The following XAB2 variants were observed in gnomAD, a reference collection of about 807,000 sequenced individuals.
XAB2 encodes the protein XPA binding protein 2, also known as pre-mRNA-splicing factor SYF1.
In XAB2, 57 loss-of-function variants were observed where a neutral mutation model predicts 113.4. The observed-to-expected ratio is 0.50, with a 90% CI of 0.41 to 0.63. XAB2 has a LOEUF of 0.63. Among genes scored for constraint, XAB2 ranks in the 20% least tolerant of loss-of-function variants. The pLI, the probability that XAB2 is intolerant of heterozygous loss-of-function variation, is 0.00. For missense variants in XAB2, 1,037 were observed against 1,233.3 expected (o/e 0.84, Z 2.38); for synonymous variants, 497 against 498.8 (o/e 1.00, Z 0.05).
chr19:7,621,109 C>CCCCCCA, intron 13 of XAB2, 26 bp downstream of exon 13: 1 of 1,540,384 alleles, frequency 6.5e-7, no homozygotes, highest in Non-Finnish European at 8.8e-7. Context: ...GCCCGCCACC[C>CCCCCCA]CCCCCATGCC....
chr19:7,622,985 TACAGGCACAAACAC>T lies in XAB2; in HGVS notation c.1240-106_1240-93del, dbSNP rs1240201702. On this transcript the variant is annotated intron_variant, in intron 9 of 18. Transcript: ENST00000358368. ...AGAAAGGTGACCATGCTCACAAACA[TACAGGCACAAACAC>T]ACAGGCACACACACAGGCACACACA... The T allele has an allele frequency of 9.4e-5, 146 of 1,561,078 alleles. No individual in the cohort carries two copies. The African/African-American group carries it at 1.4e-3, about 14-fold the overall frequency.
rs189300235 is a variant in XAB2, at chr19:7,628,463, C to T, written c.52-165G>A. On this transcript the variant is annotated intron_variant, in intron 1 of 18. Coordinates refer to ENST00000358368, the MANE Select transcript of XAB2 (RefSeq NM_020196.3). This position sits in a 1 kb window ranked among gnomAD's most constrained non-coding sequence, Gnocchi z 4.6. ...ATGCCCAGGCACCAAACCAGATGCCCGACACCAAGACAGTGGCCCAGACCT... is the reference window on the plus strand; with the variant it reads ...ATGCCCAGGCACCAAACCAGATGCCTGACACCAAGACAGTGGCCCAGACCT... Among the ~76,000 whole-genome samples the T allele has an allele frequency of 2.0e-5, 3 of 152,230 alleles. No homozygotes were observed. Among genetic ancestry groups the T allele is most frequent in the Non-Finnish European group, 4.4e-5 (3 of 68,014 alleles).
intron 12 of XAB2, chr19:7,622,042 A>G (rs1441603638): frequency 2.5e-5 from 9 of 352,986 alleles, no homozygotes; most frequent in Non-Finnish European, 3.7e-5. Context: ...CCTTTATAAG[A>G]AGAGGAAATT....
chr19:7,627,715 C>T lies in XAB2; in HGVS notation c.324+13G>A. ...CTCCACTTCCCGATTCATCCCCTCGCCGAGCCCCAAACCTTGTGCATGAAC... is the reference window on the plus strand; with the variant it reads ...CTCCACTTCCCGATTCATCCCCTCGTCGAGCCCCAAACCTTGTGCATGAAC... On this transcript the variant is annotated intron_variant, in intron 3 of 18. Transcript: ENST00000358368. This position sits in a 1 kb window ranked among gnomAD's most constrained non-coding sequence, Gnocchi z 4.5. 2 of 1,613,502 alleles carry T rather than the reference C, an allele frequency of 1.2e-6. No individual in the cohort carries two copies. Among genetic ancestry groups the T allele is most frequent in the South Asian group, 1.1e-5 (1 of 91,058 alleles).
chr19:7,626,563 G>A (rs561407258), intron 4 of XAB2, among the ~76,000 whole-genome samples: 14 of 152,062 alleles, frequency 9.2e-5, no homozygotes, highest in East Asian at 3.9e-4. Flanking sequence ...ACCCGCAAGG[G>A]CACAGCCTTG....
At position 7,620,964 on chromosome 19, in the gene XAB2, C is replaced by T. The variant is rs372229800; in HGVS notation, c.1853G>A (p.Arg618His). Residue 618 changes from arginine (R) to histidine (H), a missense_variant, in exon 14 of 19, where the codon CGT becomes CAT. By Grantham distance (29) the Arg-to-His change is conservative. Transcript: ENST00000358368. ...LARHAMAVYERATRAVEPAQQ... is the reference protein window; with the variant it reads ...LARHAMAVYEHATRAVEPAQQ... ...GGCGGGCTCCACGGCCCTGGTGGCACGCTCGTACACGGCCATGGCATGCCG... is the reference window on the plus strand; with the variant it reads ...GGCGGGCTCCACGGCCCTGGTGGCATGCTCGTACACGGCCATGGCATGCCG... 134 of 1,578,724 alleles carry T rather than the reference C, an allele frequency of 8.5e-5. No individual in the cohort carries two copies. Among genetic ancestry groups the T allele is most frequent in the Middle Eastern group, 1.7e-4 (1 of 5,990 alleles).
Position 7,627,369 on chromosome 19 carries a change from G to A in XAB2, c.396C>T (p.Thr132=). Residue 132 remains threonine, a synonymous_variant, in exon 4 of 19, where the codon ACC becomes ACT. Transcript: ENST00000358368. This position sits in a 1 kb window ranked among gnomAD's most constrained non-coding sequence, Gnocchi z 4.5. ...DQGRVTHTRR[T]FDRALRALPI... is the part of the protein sequence containing the mutation. ...GCAGTGCCCGGAGGGCACGGTCGAA[G>A]GTGCGGCGGGTGTGTGTGACGCGCC... 5.0e-6 allele frequency: 8 copies of A among 1,610,828 alleles called. No individual in the cohort carries two copies. Among genetic ancestry groups the A allele is most frequent in the Non-Finnish European group, 6.8e-6 (8 of 1,178,978 alleles).
chr19:7,620,594 G>C lies in XAB2; in HGVS notation c.2047C>G (p.Arg683Gly). The change falls in exon 15 of 19, where the codon CGC (arginine) becomes GGC (glycine). Residue 683 changes from arginine (R) to glycine (G), a missense_variant. Physicochemically the swap from Arg to Gly is moderately radical, Grantham distance 125 (BLOSUM62 -2). Transcript: ENST00000358368. ...CAGAAGCTGTAGATGGCCCGGGCGC[G>C]GTCAATCTCCCCGAGCTTGCACTCC... ...DMECKLGEIDRARAIYSFCSQ... is the reference protein window; with the variant it reads ...DMECKLGEIDGARAIYSFCSQ... The C allele has an allele frequency of 2.5e-6, 4 of 1,613,348 alleles. No individual in the cohort carries two copies. Among genetic ancestry groups the C allele is most frequent in the Non-Finnish European group, 3.4e-6 (4 of 1,179,950 alleles).
chr19:7,620,451 G>A lies in XAB2; in HGVS notation c.2095-5C>T, dbSNP rs1324757952. The A allele has an allele frequency of 1.1e-5, 18 of 1,608,440 alleles. No homozygotes were observed. The highest frequency in any genetic ancestry group is 4.4e-5 in the South Asian group (4 of 90,978). ...CTGCCAGAACGCGCCGGTCGTCTGC[G>A]TGGGGGGCAGGGCAGGGGTGGGTGT... On this transcript the variant is annotated splice_polypyrimidine_tract_variant and splice_region_variant and intron_variant, in intron 15 of 18. Coordinates refer to ENST00000358368, the MANE Select transcript of XAB2 (RefSeq NM_020196.3).
chr19:7,627,417 G>C lies in XAB2; in HGVS notation c.348C>G (p.Tyr116Ter). ...GCCCCTGGTCCATGAGGAACTGGCA[G>C]TAATCTAGCCACAGACGAGGCATCT... is the stretch of plus-strand genomic sequence containing the variant. ...MHKMPRLWLD[Y>*]CQFLMDQGRV... Residue 116 changes from tyrosine to a stop codon, truncating the protein, a stop_gained, in exon 4 of 19, where the codon TAC becomes TAG. Coordinates refer to ENST00000358368, the MANE Select transcript of XAB2 (RefSeq NM_020196.3). LOFTEE classifies it high-confidence loss of function. The surrounding 1 kb of genome is among the most constrained non-coding windows in gnomAD (Gnocchi z 4.5). 6.2e-7 allele frequency: 1 copy of C among 1,605,470 alleles called. No individual in the cohort carries two copies. The highest frequency in any genetic ancestry group is 8.5e-7 in the Non-Finnish European group (1 of 1,177,316).
chr19:7,619,892 C>T (rs764111910), intron 17 of XAB2, 36 bp from the exon 18 acceptor site: 15 of 1,609,894 alleles, frequency 9.3e-6, no homozygotes, highest in South Asian at 1.1e-5. Context: ...TTCCCCACCC[C>T]GGGCCCCCTT....
Position 7,628,246 on chromosome 19 carries a change from A to G in XAB2, c.104T>C (p.Val35Ala), listed in dbSNP as rs1599374951. ...EEEIMRNQFSVKCWLRYIEFK... is the reference protein window; with the variant it reads ...EEEIMRNQFSAKCWLRYIEFK... ...CTCGATGTAGCGAAGCCAGCATTTG[A>G]CAGAGAATTGGTTCCGCATGATTTC... The change falls in exon 2 of 19, where the codon GTC (valine) becomes GCC (alanine). Residue 35 changes from valine (V) to alanine (A), a missense_variant. By Grantham distance (64) the Val-to-Ala change is moderately conservative. Transcript: ENST00000358368. The surrounding 1 kb of genome is among the most constrained non-coding windows in gnomAD (Gnocchi z 4.6). 1.2e-5 allele frequency: 19 copies of G among 1,614,120 alleles called. No individual in the cohort carries two copies. Among genetic ancestry groups the G allele is most frequent in the Non-Finnish European group, 1.6e-5 (19 of 1,180,024 alleles).
Position 7,628,944 on chromosome 19 carries a change from G to A in XAB2, c.51+533C>T, listed in dbSNP as rs1001503774. Reference sequence around the variant, plus strand: ...TTTAACTCTGCACACCAAGAATCTGGTGAAGATGTCACGCCTCTACTCCAG... The same window carrying A: ...TTTAACTCTGCACACCAAGAATCTGATGAAGATGTCACGCCTCTACTCCAG... On this transcript the variant is annotated intron_variant, in intron 1 of 18. Transcript: ENST00000358368. The surrounding 1 kb of genome is among the most constrained non-coding windows in gnomAD (Gnocchi z 4.6). Among the ~76,000 whole-genome samples, 1 of 151,190 alleles carries A rather than the reference G, an allele frequency of 6.6e-6. No homozygotes were observed. Among genetic ancestry groups the A allele is most frequent in the African/African-American group, 2.5e-5 (1 of 40,504 alleles).
At position 7,625,506 on chromosome 19, in the gene XAB2, T is replaced by C. The variant is rs1252885587; in HGVS notation, c.822+374A>G. Among the ~76,000 whole-genome samples, 2 of 134,890 alleles carry C rather than the reference T, an allele frequency of 1.5e-5. No homozygotes were observed. The highest frequency in any genetic ancestry group is 3.1e-5 in the Non-Finnish European group (2 of 64,838). 88.5% of individuals were successfully genotyped at this position (134,890 alleles called of 152,430 possible). A position where few individuals can be genotyped will look rare whatever the true frequency, so the allele number is the denominator to read the frequency against. Reference sequence around the variant, plus strand: ...TTTTTTTTTTTTTTTTGAGATGGAGTCTCGCTCTGCCACCCAGGCTGGACT... The same window carrying C: ...TTTTTTTTTTTTTTTTGAGATGGAGCCTCGCTCTGCCACCCAGGCTGGACT... On this transcript the variant is annotated intron_variant, in intron 6 of 18. Coordinates refer to ENST00000358368, the MANE Select transcript of XAB2 (RefSeq NM_020196.3). This position sits in a 1 kb window ranked among gnomAD's most constrained non-coding sequence, Gnocchi z 5.2.
Position 7,628,242 on chromosome 19 carries a change from T to C in XAB2, c.108A>G (p.Lys36=), listed in dbSNP as rs2031184258. 2 of 1,613,964 alleles carry C rather than the reference T, an allele frequency of 1.2e-6. No homozygotes were observed. Among genetic ancestry groups the C allele is most frequent in the African/African-American group, 1.3e-5 (1 of 74,896 alleles). The change falls in exon 2 of 19, where the codon AAA becomes AAG. Residue 36 remains lysine, a synonymous_variant. Coordinates refer to ENST00000358368, the MANE Select transcript of XAB2 (RefSeq NM_020196.3). This position sits in a 1 kb window ranked among gnomAD's most constrained non-coding sequence, Gnocchi z 4.6. ...EEIMRNQFSV[K]CWLRYIEFKQ... ...TGAACTCGATGTAGCGAAGCCAGCA[T>C]TTGACAGAGAATTGGTTCCGCATGA...
In XAB2 at chr19:7,629,487, T is replaced by G. The variant is rs1433570453; in HGVS notation, c.41A>C (p.Asp14Ala). Reference protein sequence around the residue: ...MARLSRPERPDLVFEEEDLPY... With the variant: ...MARLSRPERPALVFEEEDLPY... ...CCTCTGTGGACTCACGAAGACAAGGTCCGGCCGCTCGGGCCGCGAGAGTCG... is the reference window on the plus strand; with the variant it reads ...CCTCTGTGGACTCACGAAGACAAGGGCCGGCCGCTCGGGCCGCGAGAGTCG... The change falls in exon 1 of 19, where the codon GAC becomes GCC. Residue 14 changes from aspartate to alanine, a missense_variant. Transcript: ENST00000358368. 6.2e-7 allele frequency: 1 copy of G among 1,601,540 alleles called. No homozygotes were observed. Among genetic ancestry groups the G allele is most frequent in the Non-Finnish European group, 8.5e-7 (1 of 1,174,460 alleles).
Position 7,619,607 on chromosome 19 carries a change from A to C in XAB2, c.2547T>G (p.Phe849Leu), listed in dbSNP as rs775262544. 1.9e-6 allele frequency: 3 copies of C among 1,601,832 alleles called. No individual in the cohort carries two copies. The highest frequency in any genetic ancestry group is 1.3e-5 in the African/African-American group (1 of 74,890). ...LEQQSVPAAV[F>L]GSLKED Reference sequence around the variant, plus strand: ...CGGGTCAGTCTTCCTTCAGGCTCCCAAACACTGCGGCTGGCACGCTCTGCT... The same window carrying C: ...CGGGTCAGTCTTCCTTCAGGCTCCCCAACACTGCGGCTGGCACGCTCTGCT... Residue 849 changes from phenylalanine (F) to leucine (L), a missense_variant, in exon 19 of 19, where the codon TTT (phenylalanine) becomes TTG (leucine). Coordinates refer to ENST00000358368, the MANE Select transcript of XAB2 (RefSeq NM_020196.3).
In XAB2 at chr19:7,623,633, AG is replaced by A; in HGVS notation, c.1119+97del. 1 of 1,467,346 alleles carries A rather than the reference AG, an allele frequency of 6.8e-7. No homozygotes were observed. Among genetic ancestry groups the A allele is most frequent in the Non-Finnish European group, 9.1e-7 (1 of 1,103,082 alleles). The allele number at this position is 1,467,346 out of a possible 1,614,324, so 90.9% of individuals were successfully genotyped here. On this transcript the variant is annotated intron_variant, in intron 8 of 18. Coordinates refer to ENST00000358368, the MANE Select transcript of XAB2 (RefSeq NM_020196.3). The surrounding 1 kb of genome is among the most constrained non-coding windows in gnomAD (Gnocchi z 4.6). ...GGAATTGGACCTACTAAGCAAAGTCAGGCCCCTAGAAGGTGACATTATGGGT... is the reference window on the plus strand; with the variant it reads ...GGAATTGGACCTACTAAGCAAAGTCAGCCCCTAGAAGGTGACATTATGGGT...
chr19:7,623,966 C>A lies in XAB2; in HGVS notation c.968-84G>T. ...CCACCGCCTCCACTCCCCACCCTCACTCCGCTCCAGCCCCCAGCCAAGTGC... is the reference window on the plus strand; with the variant it reads ...CCACCGCCTCCACTCCCCACCCTCAATCCGCTCCAGCCCCCAGCCAAGTGC... On this transcript the variant is annotated intron_variant, in intron 7 of 18. Coordinates refer to ENST00000358368, the MANE Select transcript of XAB2 (RefSeq NM_020196.3). The surrounding 1 kb of genome is among the most constrained non-coding windows in gnomAD (Gnocchi z 4.6). 6.9e-7 allele frequency: 1 copy of A among 1,443,106 alleles called. No individual in the cohort carries two copies. Among genetic ancestry groups the A allele is most frequent in the Non-Finnish European group, 9.2e-7 (1 of 1,089,522 alleles). The allele number at this position is 1,443,106 out of a possible 1,614,324, so 89.4% of individuals were successfully genotyped here. A position where few individuals can be genotyped will look rare whatever the true frequency, so the allele number is the denominator to read the frequency against.
Sources: gnomAD v4.1 joint callset for allele counts (sites outside exome capture counted in the v4.1 genomes callset) on GRCh38, gnomAD v4.1.1 for gene constraint, Gnocchi (gnomAD v3.1) non-coding constraint, MANE v1.5 for transcripts, NCBI Gene and HGNC (gene_info 2026-07-23, HGNC 2026-07-21) for gene names.